CTR9: variants seen among roughly 807,000 people sequenced by gnomAD.
CTR9 encodes the protein CTR9 component of Paf1/RNA polymerase II complex, also known as RNA polymerase-associated protein CTR9 homolog.
CTR9 carries 41 observed loss-of-function variants against 152.1 expected under a neutral mutation model. That is an observed-to-expected ratio of 0.27 (90% CI 0.21 to 0.35). The LOEUF (loss-of-function observed/expected upper bound fraction) is 0.35, where lower values mean the gene tolerates loss of function less well. Ranked by LOEUF, CTR9 falls within the 10% of genes least tolerant of loss-of-function variation. The pLI is 1.00. For missense variants in CTR9, 917 were observed against 1,424.4 expected, an observed-to-expected ratio of 0.64 and a Z score of 5.73; for synonymous variants, 476 against 496.2, an observed-to-expected ratio of 0.96 and a Z score of 0.54.
At chr11:10,776,713 C>A (rs959380101) in intron 24 of CTR9, among the ~76,000 whole-genome samples, 1 of 152,142 alleles carries the variant, frequency 6.6e-6, no homozygotes, top group African/African-American at 2.4e-5. Flanking sequence ...TGGCTCACAC[C>A]TGTAATCCCA....
At chr11:10,756,686 T>TAAAACATA in intron 4 of CTR9, 63 bp from the exon 5 acceptor site, 1 of 1,153,588 alleles carries the variant, frequency 8.7e-7, no homozygotes, top group Non-Finnish European at 1.3e-6. Flanking sequence ...TAAGTTAGTG[T>TAAAACATA]AAAACATAAT....
intron 2 of CTR9, among the ~76,000 whole-genome samples, chr11:10,753,552 C>G (rs1034046321): frequency 1.3e-5 from 2 of 151,928 alleles, no homozygotes; most frequent in Non-Finnish European, 2.9e-5. Flanking sequence ...TGTGGATTTA[C>G]AGAGAAGTAT....
chr11:10,751,359 A>T lies in CTR9; in HGVS notation c.-54A>T. 1.3e-6 allele frequency: 2 copies of T among 1,592,650 alleles called. No homozygotes were observed. The highest frequency in any genetic ancestry group is 2.2e-5 in the South Asian group (2 of 90,588). On this transcript the variant is annotated 5_prime_UTR_variant, in exon 1 of 25. Transcript: ENST00000361367. ...ACCTCTGGATTAGCCTGAAGCGGAG[A>T]CTACCGGCTGCGGAGCGGCGGGGCG...
chr11:10,755,935 A>ACATTCAACAAATATT, intron 4 of CTR9, 140 bp downstream of exon 4: 9 of 552,198 alleles, frequency 1.6e-5, no homozygotes, highest in Non-Finnish European at 2.9e-5. Context: ...GAAATTACCT[A>ACATTCAACAAATATT]CAACAAATAT....
At chr11:10,776,287 G>T (rs899973530) in intron 24 of CTR9, among the ~76,000 whole-genome samples, 4 of 152,136 alleles carry the variant, frequency 2.6e-5, no homozygotes, top group Admixed American at 2.6e-4. Flanking sequence ...GTTTCTCCGT[G>T]TTGAGAGAGG....
intron 1 of CTR9, 102 bp downstream of exon 1, chr11:10,751,559 C>T: frequency 1.8e-6 from 2 of 1,129,700 alleles, no homozygotes; most frequent in Middle Eastern, 2.0e-4. Flanking sequence ...TCCTCCTTCC[C>T]TAAGAGCCCT....
chr11:10,759,385 C>G (rs7126951), intron 5 of CTR9, among the ~76,000 whole-genome samples: 152,195 of 152,364 alleles, frequency 1, 76,013 homozygotes, highest in Middle Eastern at 1. Context: ...GGATTTAGCA[C>G]CATACAAATC....
In CTR9 at chr11:10,779,046, G is replaced by A. The variant is rs769761486; in HGVS notation, c.3463G>A (p.Gly1155Arg). The A allele has an allele frequency of 2.5e-6, 4 of 1,614,036 alleles. No homozygotes were observed. The highest frequency in any genetic ancestry group is 3.4e-6 in the Non-Finnish European group (4 of 1,180,040). Reference sequence around the variant, plus strand: ...CTCTGGAAATGAATCGGAACCAGAGGGATCCAACAATGAGGCCTCAGATAG... The same window carrying A: ...CTCTGGAAATGAATCGGAACCAGAGAGATCCAACAATGAGGCCTCAGATAG... ...QGSGNESEPE[G>R]SNNEASDRGS... Residue 1155 changes from glycine to arginine, a missense_variant, in exon 25 of 25, where the codon GGA becomes AGA. Gly to Arg is a moderately radical substitution (Grantham distance 125, BLOSUM62 -2). This residue lies in a region of CTR9 where 384 missense variants were observed against 398.4 expected (regional missense o/e 0.96). Coordinates refer to ENST00000361367, the MANE Select transcript of CTR9 (RefSeq NM_014633.5).
intron 19 of CTR9, among the ~76,000 whole-genome samples, chr11:10,771,946 A>G (rs971578667): frequency 8.5e-5 from 13 of 152,168 alleles, no homozygotes; most frequent in African/African-American, 3.1e-4. Context: ...TTGAGAGGAC[A>G]TTTATAGTTT....
In CTR9 at chr11:10,770,223, TC is replaced by T; in HGVS notation, c.2125del (p.Arg709GlufsTer33). 12 of 1,608,848 alleles carry T rather than the reference TC, an allele frequency of 7.5e-6. No homozygotes were observed. The highest frequency in any genetic ancestry group is 1.0e-5 in the Non-Finnish European group (12 of 1,178,634). ...CTTTTACTGTAGTATGAAAACTGCC[TC>T]CGAAAGTTCTATAAGCACCAAAACA... ...ISAVQMYENC[L>X]RKFYKHQNTE... is the part of the protein sequence containing the mutation. On this transcript the variant is annotated frameshift_variant, in exon 17 of 25. Transcript: ENST00000361367. LOFTEE classifies it high-confidence loss of function.
At position 10,760,338 on chromosome 11, in the gene CTR9, A is replaced by G; in HGVS notation, c.741+17A>G. ...AATAAAGAGGTATGTAAATGAAAAA[A>G]GTATCTAGCTCCTAACTGCTTTGTC... On this transcript the variant is annotated intron_variant, in intron 6 of 24. Transcript: ENST00000361367. 1 of 1,606,494 alleles carries G rather than the reference A, an allele frequency of 6.2e-7. No homozygotes were observed. Among genetic ancestry groups the G allele is most frequent in the South Asian group, 1.1e-5 (1 of 90,310 alleles).
In CTR9 at chr11:10,764,525, AGT is replaced by A. The variant is rs756945716; in HGVS notation, c.1414-19_1414-18del. Reference sequence around the variant, plus strand: ...AAGTGTATAAACTAAATCTTTTAACAGTGTGATTTTTCTTTCTCATAGAAATA... The same window carrying A: ...AAGTGTATAAACTAAATCTTTTAACAGTGATTTTTCTTTCTCATAGAAATA... On this transcript the variant is annotated intron_variant, in intron 11 of 24. Coordinates refer to ENST00000361367, the MANE Select transcript of CTR9 (RefSeq NM_014633.5). 3 of 1,603,914 alleles carry A rather than the reference AGT, an allele frequency of 1.9e-6. No individual in the cohort carries two copies. The African/African-American group carries it at 4.0e-5, about 22-fold the overall frequency.
Position 10,766,336 on chromosome 11 carries a change from G to T in CTR9, c.1598-66G>T. Reference sequence around the variant, plus strand: ...TGAAAAAAAATTGTTTCAAAAGTATGACTTTAAAATTATGATCCTTTATAG... The same window carrying T: ...TGAAAAAAAATTGTTTCAAAAGTATTACTTTAAAATTATGATCCTTTATAG... On this transcript the variant is annotated intron_variant, in intron 12 of 24. Coordinates refer to ENST00000361367, the MANE Select transcript of CTR9 (RefSeq NM_014633.5). 3.2e-6 allele frequency: 4 copies of T among 1,260,902 alleles called. No individual in the cohort carries two copies. The South Asian group carries it at 5.2e-5, about 16-fold the overall frequency. 78.1% of individuals were successfully genotyped at this position (1,260,902 alleles called of 1,614,324 possible).
Position 10,764,316 on chromosome 11 carries a change from T to G in CTR9, c.1293T>G (p.Leu431=), listed in dbSNP as rs1863025592. The change falls in exon 11 of 25, where the codon CTT becomes CTG. Residue 431 remains leucine (L), a synonymous_variant. Transcript: ENST00000361367. ...ILEQTDIQGA[L]SAYGTATRIL... ...CAATCATGAAAATACAGGGTGCCCT[T>G]TCAGCCTATGGAACAGCAACACGAA... The G allele has an allele frequency of 6.2e-7, 1 of 1,613,966 alleles. No individual in the cohort carries two copies. Among genetic ancestry groups the G allele is most frequent in the Non-Finnish European group, 8.5e-7 (1 of 1,180,002 alleles).
chr11:10,773,842 C>T (rs531020699), intron 21 of CTR9, among the ~76,000 whole-genome samples, 170 bp from the exon 22 acceptor site: 32 of 150,744 alleles, frequency 2.1e-4, no homozygotes, highest in African/African-American at 7.1e-4. Flanking sequence ...CCGAGATTGC[C>T]CCACTGCACT....
chr11:10,774,255 TG>T, intron 22 of CTR9, 86 bp downstream of exon 22: 2 of 1,486,496 alleles, frequency 1.3e-6, no homozygotes, highest in East Asian at 2.3e-5. Flanking sequence ...TGTTTAGAAT[TG>T]ATGAACACTT....
chr11:10,775,485 A>G, intron 23 of CTR9, 36 bp from the exon 24 acceptor site: 1 of 1,543,512 alleles, frequency 6.5e-7, no homozygotes, highest in Non-Finnish European at 8.9e-7. Flanking sequence ...CTAATGTAAG[A>G]GTCTTGACTA....
At chr11:10,764,996 A>G (rs1209266331) in intron 12 of CTR9, among the ~76,000 whole-genome samples, 4 of 152,208 alleles carry the variant, frequency 2.6e-5, no homozygotes, top group African/African-American at 9.6e-5. Flanking sequence ...TTAGGCTTTT[A>G]ACAACTCCTT....
intron 5 of CTR9, 119 bp downstream of exon 5, chr11:10,756,957 A>G (rs1468532395): frequency 1.3e-6 from 1 of 796,012 alleles, no homozygotes; most frequent in African/African-American, 1.8e-5. Context: ...AAATGTCAGA[A>G]TCAAGTTTTT....
Sources: allele counts gnomAD v4.1 joint callset (sites outside exome capture counted in the v4.1 genomes callset), GRCh38; gene constraint gnomAD v4.1.1; regional missense constraint gnomAD v4.1.1; transcripts MANE v1.5; gene names NCBI Gene and HGNC (gene_info 2026-07-23, HGNC 2026-07-21).